The following RNF122 variants were observed in gnomAD, a reference collection of about 807,000 sequenced individuals.
RNF122 encodes the protein ring finger protein 122.
Under a neutral mutation model 24.2 loss-of-function variants are expected in RNF122, and 17 were observed. That is an observed-to-expected ratio of 0.70 (90% CI 0.48 to 1.06). The LOEUF (loss-of-function observed/expected upper bound fraction) is 1.06. RNF122 is among the 50% of genes least tolerant of loss of function. RNF122 has a pLI of 0.00. For missense variants in RNF122, 168 were observed against 198.1 expected (o/e 0.85, Z 0.91); for synonymous variants, 65 against 71.8 (o/e 0.91, Z 0.48).
chr8:33,566,556 C>A (rs1351109200), intron 1 of RNF122, 143 bp downstream of exon 1: 7 of 796,528 alleles, frequency 8.8e-6, no homozygotes, highest in Admixed American at 4.5e-5. Context: ...CAGAGTGGGG[C>A]GCCAAGACGC....
chr8:33,548,648 A>C lies in RNF122; in HGVS notation c.*105T>G, dbSNP rs982564371. The stretch of plus-strand genomic sequence containing the variant: ...TAGACCACCCTTCTCATCACTGGGA[A>C]AGTGATCGTCATCACCCTACAGTCC... On this transcript the variant is annotated 3_prime_UTR_variant, in exon 6 of 6. Coordinates refer to ENST00000256257, the MANE Select transcript of RNF122 (RefSeq NM_024787.3). 5.7e-5 allele frequency: 43 copies of C among 747,918 alleles called. No individual in the cohort carries two copies. The highest frequency in any genetic ancestry group is 2.0e-4 in the South Asian group (13 of 64,812). 46.3% of individuals were successfully genotyped at this position (747,918 alleles called of 1,614,324 possible). A position where few individuals can be genotyped will look rare whatever the true frequency, so the allele number is the denominator to read the frequency against.
chr8:33,566,609 G>A, intron 1 of RNF122, 90 bp downstream of exon 1: 1 of 1,355,516 alleles, frequency 7.4e-7, no homozygotes, highest in South Asian at 1.2e-5. Context: ...GTTCCCGAGG[G>A]AGGACCAGCG....
chr8:33,551,133 G>A (rs754490171), intron 3 of RNF122, 48 bp from the exon 4 acceptor site: 1 of 1,601,780 alleles, frequency 6.2e-7, no homozygotes, highest in South Asian at 1.1e-5. Flanking sequence ...CCAACCACTG[G>A]GGCCAGCCAG....
At chr8:33,558,874 T>A (rs1810497222) in intron 1 of RNF122, 103 bp from the exon 2 acceptor site, 1 of 844,434 alleles carries the variant, frequency 1.2e-6, no homozygotes. Context: ...TCTGGGCACC[T>A]AAGCCTCAGA....
chr8:33,558,202 A>T (rs1222184874), intron 2 of RNF122, among the ~76,000 whole-genome samples: 3 of 152,160 alleles, frequency 2.0e-5, no homozygotes, highest in Non-Finnish European at 4.4e-5. Context: ...GGCTGACAAC[A>T]GGTCCCAGGA....
rs1378733657 is a variant in RNF122 at position 33,566,718 on chromosome 8, G to A, written c.6C>T (p.His2=). The change falls in exon 1 of 6, where the codon CAC becomes CAT. Residue 2 remains histidine, a synonymous_variant. Transcript: ENST00000256257. ...ACTCACCGTTACACCACTGGAATGGGTGCATCAATGAAGTCGCGGTTGGCT... is the reference window on the plus strand; with the variant it reads ...ACTCACCGTTACACCACTGGAATGGATGCATCAATGAAGTCGCGGTTGGCT... The part of the protein sequence containing the change: M[H]PFQWCNGCFC... The A allele has an allele frequency of 2.5e-6, 4 of 1,605,678 alleles. No homozygotes were observed. The African/African-American group carries it at 5.3e-5, about 21-fold the overall frequency.
chr8:33,558,551 C>A, intron 2 of RNF122, 64 bp downstream of exon 2: 1 of 1,419,910 alleles, frequency 7.0e-7, no homozygotes. Context: ...CTCAGCTTAC[C>A]CCACAACCCT....
chr8:33,552,733 C>T (rs1378662903), intron 2 of RNF122, among the ~76,000 whole-genome samples: 1 of 152,132 alleles, frequency 6.6e-6, no homozygotes, highest in Non-Finnish European at 1.5e-5. Context: ...GAGGATCTTA[C>T]ATGCTGAACT....
chr8:33,550,845 T>G (rs1184542758), intron 4 of RNF122, among the ~76,000 whole-genome samples, 199 bp downstream of exon 4: 2 of 152,088 alleles, frequency 1.3e-5, no homozygotes, highest in Non-Finnish European at 2.9e-5. Flanking sequence ...CCTTCATGTC[T>G]TCTGCCTGAG....
rs1271273745 is a variant in RNF122, at chr8:33,558,784, A to AG, written c.26-14dup. The AG allele has an allele frequency of 2.7e-6, 4 of 1,483,862 alleles. No individual in the cohort carries two copies. Among genetic ancestry groups the AG allele is most frequent in the Non-Finnish European group, 3.6e-6 (4 of 1,119,458 alleles). 91.9% of individuals were successfully genotyped at this position (1,483,862 alleles called of 1,614,324 possible). ...CCACAGAAACACCCTGCAAAGGGAGAGAAAAAAAAATCATTAGGGTTGGAA... is the reference window on the plus strand; with the variant it reads ...CCACAGAAACACCCTGCAAAGGGAGAGGAAAAAAAAATCATTAGGGTTGGAA... On this transcript the variant is annotated splice_polypyrimidine_tract_variant and intron_variant, in intron 1 of 5. Transcript: ENST00000256257.
intron 2 of RNF122, among the ~76,000 whole-genome samples, chr8:33,556,504 A>G (rs562707121): frequency 6.6e-6 from 1 of 152,292 alleles, no homozygotes; most frequent in South Asian, 2.1e-4. Context: ...AAAGGGACCA[A>G]GGAGAGTTGG....
In RNF122 at chr8:33,551,336, C is replaced by T; in HGVS notation, c.228+8G>A. ...AAGGAAGCTTCTGGGAAACACGCAGCACTTTACCTCCTTATATCCGTATCG... is the reference window on the plus strand; with the variant it reads ...AAGGAAGCTTCTGGGAAACACGCAGTACTTTACCTCCTTATATCCGTATCG... On this transcript the variant is annotated splice_region_variant and intron_variant, in intron 3 of 5. Coordinates refer to ENST00000256257, the MANE Select transcript of RNF122 (RefSeq NM_024787.3). The T allele has an allele frequency of 1.2e-6, 2 of 1,614,144 alleles. No individual in the cohort carries two copies. The highest frequency in any genetic ancestry group is 2.7e-5 in the African/African-American group (2 of 75,046).
intron 2 of RNF122, among the ~76,000 whole-genome samples, chr8:33,555,127 C>T (rs1563368999): frequency 1.3e-5 from 2 of 152,086 alleles, no homozygotes; most frequent in Non-Finnish European, 2.9e-5. Flanking sequence ...AGGTGGTGCT[C>T]AGTAGCACCA....
At chr8:33,554,155 G>C (rs1810416228) in intron 2 of RNF122, among the ~76,000 whole-genome samples, 1 of 152,204 alleles carries the variant, frequency 6.6e-6, no homozygotes, top group Non-Finnish European at 1.5e-5. Context: ...TTCAGCAGAG[G>C]TGGGAAGGAA....
chr8:33,561,898 G>A, intron 1 of RNF122, among the ~76,000 whole-genome samples: 1 of 152,044 alleles, frequency 6.6e-6, no homozygotes, highest in East Asian at 1.9e-4. Context: ...CTGGCTTCAA[G>A]TCCTCCTAAA....
intron 2 of RNF122, among the ~76,000 whole-genome samples, chr8:33,553,314 A>C (rs1364171846): frequency 1.3e-5 from 2 of 151,836 alleles, no homozygotes; most frequent in African/African-American, 4.8e-5. Context: ...ACAGAAATAA[A>C]GAATAATGCC....
intron 2 of RNF122, among the ~76,000 whole-genome samples, chr8:33,556,620 G>C (rs563835875): frequency 7.2e-5 from 11 of 152,224 alleles, no homozygotes; most frequent in Middle Eastern, 3.4e-3. Context: ...ACGGGTGTGC[G>C]GGAGTGGGCA....
chr8:33,556,194 AAAAAAAAAAAG>A (rs1447039699), intron 2 of RNF122, among the ~76,000 whole-genome samples: 2 of 151,424 alleles, frequency 1.3e-5, no homozygotes, highest in Non-Finnish European at 2.9e-5. Flanking sequence ...AAAAAAAAAA[AAAAAAAAAAAG>A]AAAACCTAAG....
rs754359346 is a variant in RNF122 at position 33,548,875 on chromosome 8, C to A, written c.354-8G>T. ...AGCCATTTCACCAGACACCTGAGAA[C>A]AAATGAGGAATGGTAATCTCTAACC... On this transcript the variant is annotated splice_polypyrimidine_tract_variant and splice_region_variant and intron_variant, in intron 5 of 5. Coordinates refer to ENST00000256257, the MANE Select transcript of RNF122 (RefSeq NM_024787.3). 2 of 1,591,108 alleles carry A rather than the reference C, an allele frequency of 1.3e-6. No homozygotes were observed. The highest frequency in any genetic ancestry group is 3.3e-5 in the Admixed American group (2 of 59,976).
Sources: gnomAD v4.1 joint callset for allele counts (sites outside exome capture counted in the v4.1 genomes callset) on GRCh38, gnomAD v4.1.1 for gene constraint, MANE v1.5 for transcripts, NCBI Gene and HGNC (gene_info 2026-07-23, HGNC 2026-07-21) for gene names.